Variants in SORCS1 observed in about 807,000 individuals in gnomAD.
SORCS1 encodes the protein VPS10 domain-containing receptor SorCS1.
In SORCS1, 60 loss-of-function variants were observed where a neutral mutation model predicts 146.1. The ratio of observed to expected loss-of-function variants is 0.41; its 90% CI spans 0.33 to 0.51. The LOEUF is 0.51. Ranked by LOEUF, SORCS1 falls within the 20% of genes least tolerant of loss-of-function variation. SORCS1 has a pLI of 0.21. For missense variants in SORCS1, 1,352 were observed against 1,487.6 expected (o/e 0.91, Z 1.50); for synonymous variants, 637 against 584.0 (o/e 1.09, Z -1.31).
chr10:106,976,424 C>T (rs1442910265), intron 1 of SORCS1, among the ~76,000 whole-genome samples: 1 of 149,926 alleles, frequency 6.7e-6, no homozygotes, highest in African/African-American at 2.4e-5. Flanking sequence ...CTCCGCCTCC[C>T]GGGTTCACGC....
At chr10:107,133,566 T>A (rs1733568662) in intron 1 of SORCS1, among the ~76,000 whole-genome samples, 1 of 152,204 alleles carries the variant, frequency 6.6e-6, no homozygotes. Flanking sequence ...TATCATTTTC[T>A]GAGTTCCAAC....
At chr10:106,912,122 A>C (rs528467496) in intron 2 of SORCS1, among the ~76,000 whole-genome samples, 3 of 146,580 alleles carry the variant, frequency 2.0e-5, no homozygotes, top group African/African-American at 7.7e-5. Context: ...CAAAAAAAAA[A>C]AACAAACAAA....
At chr10:107,093,499 C>G (rs1165729906) in intron 1 of SORCS1, among the ~76,000 whole-genome samples, 2 of 152,050 alleles carry the variant, frequency 1.3e-5, no homozygotes, top group African/African-American at 2.4e-5. Flanking sequence ...ACAGTGAAAC[C>G]CTGTCTCTAC....
intron 23 of SORCS1, among the ~76,000 whole-genome samples, chr10:106,603,992 A>C (rs1049342222): frequency 6.6e-6 from 1 of 152,128 alleles, no homozygotes; most frequent in African/African-American, 2.4e-5. Context: ...GACAAGTGAA[A>C]ACTGTGAACC....
chr10:106,766,543 G>A (rs1022324596), intron 4 of SORCS1, among the ~76,000 whole-genome samples: 6 of 152,180 alleles, frequency 3.9e-5, no homozygotes, highest in African/African-American at 9.7e-5. Context: ...TGGTTCCACA[G>A]CATAGGAGGG....
chr10:106,739,869 G>A (rs1229590365), intron 5 of SORCS1, among the ~76,000 whole-genome samples: 9 of 150,800 alleles, frequency 6.0e-5, no homozygotes, highest in East Asian at 2.0e-4. Flanking sequence ...GGACAATGGC[G>A]TCAACCCGGA....
chr10:106,936,383 C>G (rs543256178), intron 2 of SORCS1, among the ~76,000 whole-genome samples: 28 of 152,284 alleles, frequency 1.8e-4, no homozygotes, highest in African/African-American at 6.5e-4. Context: ...AAGTCCAAGA[C>G]AGGAACATAG....
Position 106,699,270 on chromosome 10 carries a change from C to T in SORCS1, c.1357G>A (p.Glu453Lys). 3 of 1,613,966 alleles carry T rather than the reference C, an allele frequency of 1.9e-6. No homozygotes were observed. The highest frequency in any genetic ancestry group is 2.5e-6 in the Non-Finnish European group (3 of 1,179,908). ...GGGCCTCTGCTGCTCTGGACATTCT[C>T]CAAGGCCAGGGTGAAGTAGACACCA... The part of the protein sequence containing the change: ...TRGVYFTLAL[E>K]NVQSSRGPEG... Residue 453 changes from glutamate (E) to lysine (K), a missense_variant, in exon 9 of 26, where the codon GAG (glutamate) becomes AAG (lysine). Physicochemically the swap from Glu to Lys is moderately conservative, Grantham distance 56 (BLOSUM62 1). This residue lies in a region of SORCS1 where 648 missense variants were observed against 793.8 expected (regional missense o/e 0.82). Coordinates refer to ENST00000263054, the MANE Select transcript of SORCS1 (RefSeq NM_052918.5).
chr10:107,145,627 T>C (rs1397598798), intron 1 of SORCS1, among the ~76,000 whole-genome samples: 1 of 152,184 alleles, frequency 6.6e-6, no homozygotes, highest in African/African-American at 2.4e-5. Context: ...ATAAAGTCCA[T>C]TAAAAATACA....
At chr10:106,611,787 G>C in intron 22 of SORCS1, 124 bp downstream of exon 22, 1 of 723,960 alleles carries the variant, frequency 1.4e-6, no homozygotes, top group Non-Finnish European at 2.3e-6. Context: ...AACTTCCCAT[G>C]GGCTCTAGCT....
At chr10:106,918,301 C>T (rs1258768708) in intron 2 of SORCS1, among the ~76,000 whole-genome samples, 2 of 152,098 alleles carry the variant, frequency 1.3e-5, no homozygotes, top group Non-Finnish European at 2.9e-5. Flanking sequence ...GCTGGGAATA[C>T]AGGTGCCTGC....
At chr10:106,935,485 G>A (rs938401015) in intron 2 of SORCS1, among the ~76,000 whole-genome samples, 2 of 152,068 alleles carry the variant, frequency 1.3e-5, no homozygotes, top group African/African-American at 4.8e-5. Context: ...CCAATAATGA[G>A]TTATAATGGA....
intron 2 of SORCS1, among the ~76,000 whole-genome samples, chr10:106,914,959 T>G (rs1160932437): frequency 2.6e-5 from 4 of 152,146 alleles, no homozygotes; most frequent in Non-Finnish European, 4.4e-5. Context: ...ATGTTCCCAT[T>G]TCAAGCATGT....
At chr10:106,606,179 A>G (rs1018400218) in intron 23 of SORCS1, among the ~76,000 whole-genome samples, 2 of 152,158 alleles carry the variant, frequency 1.3e-5, no homozygotes, top group African/African-American at 4.8e-5. Context: ...CTACAGAGAC[A>G]GGAGAGTCTT....
intron 2 of SORCS1, among the ~76,000 whole-genome samples, chr10:106,911,379 T>G (rs1952143448): frequency 6.6e-6 from 1 of 152,220 alleles, no homozygotes; most frequent in Non-Finnish European, 1.5e-5. Flanking sequence ...ACTGCTGGTA[T>G]AGCTAACACC....
At chr10:106,708,245 G>GGTGTGT (rs58427067) in intron 7 of SORCS1, among the ~76,000 whole-genome samples, 11 of 148,802 alleles carry the variant, frequency 7.4e-5, no homozygotes, top group African/African-American at 2.4e-4. Flanking sequence ...ATAAAGAAAT[G>GGTGTGT]GTGTGTGTGT....
chr10:106,647,007 G>GTATATATATATA (rs57891596), intron 18 of SORCS1, among the ~76,000 whole-genome samples: 1 of 134,230 alleles, frequency 7.4e-6, no homozygotes, highest in African/African-American at 2.7e-5. Flanking sequence ...GTTTGTATGT[G>GTATATATATATA]TATATATATA....
At chr10:106,643,900 T>C (rs1589549346) in intron 18 of SORCS1, among the ~76,000 whole-genome samples, 1 of 152,180 alleles carries the variant, frequency 6.6e-6, no homozygotes, top group Admixed American at 6.5e-5. Context: ...TCTTGCTATA[T>C]TGTGTTCTTA....
chr10:106,781,882 G>A (rs1269660966), intron 3 of SORCS1, among the ~76,000 whole-genome samples: 1 of 151,906 alleles, frequency 6.6e-6, no homozygotes, highest in Non-Finnish European at 1.5e-5. Context: ...AGTGAAGGAA[G>A]GGGAGGAAGG....
Sources: allele counts gnomAD v4.1 joint callset (sites outside exome capture counted in the v4.1 genomes callset), GRCh38; gene constraint gnomAD v4.1.1; regional missense constraint gnomAD v4.1.1; transcripts MANE v1.5; gene names NCBI Gene and HGNC (gene_info 2026-07-23, HGNC 2026-07-21).